GRIA1: variants seen among roughly 807,000 people sequenced by gnomAD.
GRIA1 encodes glutamate ionotropic receptor AMPA type subunit 1, also known as glutamate receptor 1.
GRIA1 carries 31 observed loss-of-function variants against 99.2 expected under a neutral mutation model. That is an observed-to-expected ratio of 0.31 (90% CI 0.23 to 0.42). GRIA1 has a LOEUF of 0.42. Among genes scored for constraint, GRIA1 ranks in the 10% least tolerant of loss-of-function variants. The probability of loss-of-function intolerance (pLI) is 1.00; values close to 1 mark genes in which losing one functional copy is unlikely to be tolerated. For missense variants in GRIA1, 782 were observed against 1,157.5 expected (o/e 0.68, Z 4.71); for synonymous variants, 438 against 432.4 (o/e 1.01, Z -0.16).
At chr5:153,620,648 T>G (rs888652115) in intron 2 of GRIA1, among the ~76,000 whole-genome samples, 1 of 152,194 alleles carries the variant, frequency 6.6e-6, no homozygotes, top group South Asian at 2.1e-4. Flanking sequence ...AATATTAGAC[T>G]AAAAACACTC....
intron 4 of GRIA1, among the ~76,000 whole-genome samples, chr5:153,653,080 G>A (rs946297005): frequency 3.3e-5 from 5 of 152,186 alleles, no homozygotes; most frequent in Non-Finnish European, 5.9e-5. Context: ...GCTCGACGAT[G>A]CCAGGGATTT....
At chr5:153,703,065 C>A (rs1167469063) in intron 10 of GRIA1, among the ~76,000 whole-genome samples, 1 of 152,222 alleles carries the variant, frequency 6.6e-6, no homozygotes, top group Non-Finnish European at 1.5e-5. Context: ...TGGTGGAAAT[C>A]AACTTCTGAG....
intron 5 of GRIA1, among the ~76,000 whole-genome samples, chr5:153,661,758 AC>A (rs1755389678): frequency 6.6e-6 from 1 of 152,236 alleles, no homozygotes; most frequent in Non-Finnish European, 1.5e-5. Flanking sequence ...ATCTTTTAGC[AC>A]CTATGCTAGA....
At chr5:153,716,184 C>T (rs1302715730) in intron 11 of GRIA1, among the ~76,000 whole-genome samples, 1 of 152,212 alleles carries the variant, frequency 6.6e-6, no homozygotes, top group Non-Finnish European at 1.5e-5. Flanking sequence ...TACTGCTAAT[C>T]TTCTTGAAAA....
intron 4 of GRIA1, among the ~76,000 whole-genome samples, chr5:153,652,668 T>G (rs1050060161): frequency 1.3e-5 from 2 of 152,218 alleles, no homozygotes; most frequent in African/African-American, 4.8e-5. Context: ...TTGTAGCATA[T>G]TGACATTTTT....
chr5:153,764,590 C>T lies in GRIA1; in HGVS notation c.1980C>T (p.Ala660=). ...AEDLAKQTEI[A]YGTLEAGSTK... is the part of the protein sequence containing the mutation. Reference sequence around the variant, plus strand: ...ACCTAGCGAAGCAGACAGAAATTGCCTACGGGACGCTGGAAGCAGGATCTA... The same window carrying T: ...ACCTAGCGAAGCAGACAGAAATTGCTTACGGGACGCTGGAAGCAGGATCTA... The change falls in exon 12 of 16, where the codon GCC becomes GCT. Residue 660 remains alanine, a synonymous_variant. Transcript: ENST00000285900. 1 of 1,614,056 alleles carries T rather than the reference C, an allele frequency of 6.2e-7. No individual in the cohort carries two copies. Among genetic ancestry groups the T allele is most frequent in the South Asian group, 1.1e-5 (1 of 91,080 alleles).
intron 2 of GRIA1, among the ~76,000 whole-genome samples, chr5:153,629,058 G>T (rs11747288): frequency 6.6e-6 from 1 of 152,136 alleles, no homozygotes; most frequent in South Asian, 2.1e-4. Context: ...TGTCAAGTTT[G>T]TACAGAGAGA....
intron 5 of GRIA1, among the ~76,000 whole-genome samples, chr5:153,664,072 ATGGT>A (rs1259918090): frequency 6.6e-6 from 1 of 152,220 alleles, no homozygotes; most frequent in Non-Finnish European, 1.5e-5. Context: ...ATTTTGGCAG[ATGGT>A]TGGTGAGCTA....
chr5:153,563,855 G>A (rs534175352), intron 2 of GRIA1, among the ~76,000 whole-genome samples: 3 of 152,300 alleles, frequency 2.0e-5, no homozygotes, highest in South Asian at 2.1e-4. Context: ...GGTTTGGGCA[G>A]GGGGTATGGA....
intron 5 of GRIA1, among the ~76,000 whole-genome samples, chr5:153,665,677 G>A (rs1755692537): frequency 6.6e-6 from 1 of 152,140 alleles, no homozygotes; most frequent in Non-Finnish European, 1.5e-5. Flanking sequence ...GATCAAAGCT[G>A]GAAGAGCCCT....
intron 2 of GRIA1, among the ~76,000 whole-genome samples, chr5:153,570,198 T>C (rs1473770773): frequency 6.6e-6 from 1 of 152,220 alleles, no homozygotes; most frequent in African/African-American, 2.4e-5. Flanking sequence ...CCGAGATGCA[T>C]TGCTTCAAGC....
chr5:153,508,681 G>A (rs1755769905), intron 2 of GRIA1, among the ~76,000 whole-genome samples: 1 of 152,204 alleles, frequency 6.6e-6, no homozygotes, highest in Non-Finnish European at 1.5e-5. Flanking sequence ...CTCCTCTGTG[G>A]AGGAAGGAGA....
At chr5:153,706,135 T>TG (rs59424051) in intron 11 of GRIA1, 68 bp downstream of exon 11, 131 of 1,464,144 alleles carry the variant, frequency 8.9e-5, no homozygotes, top group Non-Finnish European at 1.1e-4. Context: ...TTTGTTTGTT[T>TG]TTTAAATACT....
At chr5:153,538,433 G>T (rs1010024929) in intron 2 of GRIA1, among the ~76,000 whole-genome samples, 5 of 152,130 alleles carry the variant, frequency 3.3e-5, no homozygotes, top group Non-Finnish European at 5.9e-5. Flanking sequence ...GGCTGTCAAA[G>T]GTGGAGGGGT....
intron 7 of GRIA1, among the ~76,000 whole-genome samples, chr5:153,683,304 G>T (rs899690415): frequency 3.9e-5 from 6 of 152,212 alleles, no homozygotes; most frequent in African/African-American, 1.4e-4. Flanking sequence ...TGTCTCTTTC[G>T]CATTCTCTGA....
chr5:153,779,777 G>T (rs1389833024), intron 13 of GRIA1, among the ~76,000 whole-genome samples: 2 of 152,116 alleles, frequency 1.3e-5, no homozygotes, highest in Non-Finnish European at 2.9e-5. Context: ...AGCCAGGCTG[G>T]TCTCAAACTC....
At chr5:153,625,190 G>T (rs1240141178) in intron 2 of GRIA1, among the ~76,000 whole-genome samples, 1 of 152,128 alleles carries the variant, frequency 6.6e-6, no homozygotes, top group East Asian at 1.9e-4. Context: ...CAGGTGTGTG[G>T]TCTAGTTAAT....
intron 13 of GRIA1, among the ~76,000 whole-genome samples, chr5:153,775,894 G>T (rs530797256): frequency 9.9e-6 from 1 of 101,056 alleles, no homozygotes; most frequent in South Asian, 4.6e-4. Context: ...GAGAGCAAAT[G>T]CAGAAACGGA....
intron 2 of GRIA1, among the ~76,000 whole-genome samples, chr5:153,588,619 G>A (rs939875408): frequency 1.3e-5 from 2 of 152,150 alleles, no homozygotes; most frequent in African/African-American, 4.8e-5. Flanking sequence ...ATCCTGCTGA[G>A]CCTATGGTTT....
Sources: gnomAD v4.1 joint callset for allele counts (sites outside exome capture counted in the v4.1 genomes callset) on GRCh38, gnomAD v4.1.1 for gene constraint, MANE v1.5 for transcripts, NCBI Gene and HGNC (gene_info 2026-07-23, HGNC 2026-07-21) for gene names.